The following ADCY5 variants were observed in gnomAD, a reference collection of about 807,000 sequenced individuals.
ADCY5 encodes adenylate cyclase 5.
In ADCY5, 30 loss-of-function variants were observed where a neutral mutation model predicts 119.7. The observed-to-expected ratio is 0.25, with a 90% CI of 0.19 to 0.34. ADCY5 has a LOEUF of 0.34. Among genes scored for constraint, ADCY5 ranks in the 10% least tolerant of loss-of-function variants. The probability of loss-of-function intolerance (pLI) is 1.00; values close to 1 mark genes in which losing one functional copy is unlikely to be tolerated. For synonymous variants in ADCY5, 753 were observed against 762.2 expected (o/e 0.99, Z 0.20); for missense variants, 1,324 against 1,775.2 (o/e 0.75, Z 4.57).
At chr3:123,367,746 C>G (rs1015571875) in intron 1 of ADCY5, among the ~76,000 whole-genome samples, 2 of 152,110 alleles carry the variant, frequency 1.3e-5, no homozygotes, top group Admixed American at 6.5e-5. Flanking sequence ...TGCAGCTTCC[C>G]TCGTGCCTTC....
intron 1 of ADCY5, among the ~76,000 whole-genome samples, chr3:123,434,193 C>T (rs1437137326): frequency 6.6e-6 from 1 of 152,204 alleles, no homozygotes; most frequent in Non-Finnish European, 1.5e-5. Flanking sequence ...TGAATTTGTA[C>T]AGCAGCTCCA....
rs983594947 is a variant in ADCY5, at chr3:123,433,239, C to T, written c.1134+14173G>A. ...CCCAGAGGGGTGCAAGCCCACACTG[C>T]TCACCCAGGACTCAGCTCAGGCCCC... On this transcript the variant is annotated intron_variant, in intron 1 of 20. Coordinates refer to ENST00000462833, the MANE Select transcript of ADCY5 (RefSeq NM_183357.3). Among the ~76,000 whole-genome samples the T allele has an allele frequency of 2.0e-5, 3 of 152,232 alleles. No homozygotes were observed. The East Asian group carries it at 5.8e-4, about 29-fold the overall frequency.
chr3:123,387,594 A>T (rs1944264511), intron 1 of ADCY5, among the ~76,000 whole-genome samples: 1 of 152,246 alleles, frequency 6.6e-6, no homozygotes. Context: ...GAGGACATTC[A>T]TCCTGACCCG....
At chr3:123,320,840 T>A in intron 8 of ADCY5, 69 bp from the exon 9 acceptor site, 3 of 1,189,164 alleles carry the variant, frequency 2.5e-6, no homozygotes, top group Non-Finnish European at 3.7e-6. Flanking sequence ...CTCAGAGGCG[T>A]CTAGATGGCT....
chr3:123,365,824 G>A (rs1333862279), intron 1 of ADCY5, among the ~76,000 whole-genome samples: 2 of 152,134 alleles, frequency 1.3e-5, no homozygotes, highest in Non-Finnish European at 2.9e-5. Context: ...AAGGGACAGC[G>A]AGTGGGTCAC....
intron 1 of ADCY5, among the ~76,000 whole-genome samples, chr3:123,422,484 AT>A (rs1388343691): frequency 1.3e-5 from 2 of 152,208 alleles, no homozygotes; most frequent in African/African-American, 4.8e-5. Flanking sequence ...GACAGTTGCC[AT>A]CACTTCTCCA....
At chr3:123,309,866 CTG>C (rs1257457758) in intron 12 of ADCY5, among the ~76,000 whole-genome samples, 2 of 152,098 alleles carry the variant, frequency 1.3e-5, no homozygotes, top group Admixed American at 6.6e-5. Context: ...ATTTTAGAAA[CTG>C]TGGACCAGCA....
chr3:123,364,935 C>CTTT (rs376085783), intron 1 of ADCY5, among the ~76,000 whole-genome samples: 1 of 137,144 alleles, frequency 7.3e-6, no homozygotes, highest in Non-Finnish European at 1.6e-5. Context: ...GTGTTTTTCA[C>CTTT]TTTTTTTTTT....
At chr3:123,296,708 G>A (rs1939536560) in intron 16 of ADCY5, among the ~76,000 whole-genome samples, 1 of 139,680 alleles carries the variant, frequency 7.2e-6, no homozygotes, top group Non-Finnish European at 1.6e-5. Flanking sequence ...TTTCAAGATG[G>A]TAGTAAGGAT....
chr3:123,445,298 C>G (rs1401141920), intron 1 of ADCY5, among the ~76,000 whole-genome samples: 2 of 152,108 alleles, frequency 1.3e-5, no homozygotes, highest in Non-Finnish European at 2.9e-5. Context: ...GACAGACACT[C>G]TGTTGCTGCA....
chr3:123,440,265 G>T (rs989399569), intron 1 of ADCY5, among the ~76,000 whole-genome samples: 7 of 152,228 alleles, frequency 4.6e-5, no homozygotes, highest in Non-Finnish European at 2.9e-5. Context: ...AGCCCAGGGA[G>T]CCCTGAAGGG....
chr3:123,349,195 T>C (rs1304357660), intron 2 of ADCY5, among the ~76,000 whole-genome samples: 2 of 152,130 alleles, frequency 1.3e-5, no homozygotes. Context: ...ACATTGTCAT[T>C]CCCCAATCAC....
At chr3:123,435,850 T>G (rs988317863) in intron 1 of ADCY5, among the ~76,000 whole-genome samples, 12 of 133,548 alleles carry the variant, frequency 9.0e-5, no homozygotes, top group African/African-American at 3.7e-4. Context: ...GCAAGAGCCC[T>G]TTTATTATTA....
intron 1 of ADCY5, among the ~76,000 whole-genome samples, chr3:123,408,634 C>G (rs1490942905): frequency 7.0e-6 from 1 of 143,612 alleles, no homozygotes; most frequent in African/African-American, 2.6e-5. Context: ...CCAGCCTGGG[C>G]GACAGAGCAA....
chr3:123,381,475 T>A (rs777643071), intron 1 of ADCY5, among the ~76,000 whole-genome samples: 6 of 152,222 alleles, frequency 3.9e-5, no homozygotes, highest in African/African-American at 1.2e-4. Context: ...ACATTGACAG[T>A]GAGTATCTCC....
At chr3:123,359,232 G>A (rs2062432) in intron 1 of ADCY5, among the ~76,000 whole-genome samples, 66,241 of 150,128 alleles carry the variant, frequency 0.44, 16,479 homozygotes, top group East Asian at 0.69. Context: ...ATGGGGGAGG[G>A]AGCAGGATGT....
rs1424617842 is a variant in ADCY5 at position 123,396,826 on chromosome 3, G to GAGAGAGAGAGAGAGAGAGAC, written c.1135-44246_1135-44245insGTCTCTCTCTCTCTCTCTCT. 9.0e-4 allele frequency among the ~76,000 whole-genome samples: 136 copies of GAGAGAGAGAGAGAGAGAGAC among 150,510 alleles called. 5 individuals are homozygous for GAGAGAGAGAGAGAGAGAGAC. The highest frequency in any genetic ancestry group is 7.1e-4 in the African/African-American group (29 of 40,954). On this transcript the variant is annotated intron_variant, in intron 1 of 20. Coordinates refer to ENST00000462833, the MANE Select transcript of ADCY5 (RefSeq NM_183357.3). ...GGCAGGCAGGCAGGCAGGCGAGAGA[G>GAGAGAGAGAGAGAGAGAGAC]AGAGAGAGAGAGAGAGACAGAGAAC...
chr3:123,395,787 G>A (rs1944523158), intron 1 of ADCY5, among the ~76,000 whole-genome samples: 1 of 151,572 alleles, frequency 6.6e-6, no homozygotes, highest in Non-Finnish European at 1.5e-5. Context: ...GGAAGCTGAG[G>A]TGGGAGGACC....
At chr3:123,406,594 A>T (rs1457970820) in intron 1 of ADCY5, among the ~76,000 whole-genome samples, 1 of 151,920 alleles carries the variant, frequency 6.6e-6, no homozygotes, top group African/African-American at 2.4e-5. Context: ...GAGGAAAGGG[A>T]TTTTTTTCTT....
Sources: allele counts gnomAD v4.1 joint callset (sites outside exome capture counted in the v4.1 genomes callset), GRCh38; gene constraint gnomAD v4.1.1; transcripts MANE v1.5; gene names NCBI Gene and HGNC (gene_info 2026-07-23, HGNC 2026-07-21).